SOX6: variants seen among roughly 807,000 people sequenced by gnomAD.
SOX6 encodes the protein transcription factor SOX-6.
Under a neutral mutation model 97.8 loss-of-function variants are expected in SOX6, and 11 were observed. The ratio of observed to expected loss-of-function variants is 0.11; its 90% CI spans 0.07 to 0.19. The LOEUF is 0.19. SOX6 is among the 10% of genes least tolerant of loss of function. The probability of loss-of-function intolerance (pLI) is 1.00; values close to 1 mark genes in which losing one functional copy is unlikely to be tolerated. For synonymous variants in SOX6, 360 were observed against 371.4 expected, an observed-to-expected ratio of 0.97 and a Z score of 0.35; for missense variants, 810 against 1,039.5, an observed-to-expected ratio of 0.78 and a Z score of 3.04.
intron 3 of SOX6, among the ~76,000 whole-genome samples, chr11:16,259,307 A>G (rs912526609): frequency 3.6e-4 from 54 of 152,076 alleles, no homozygotes; most frequent in African/African-American, 1.3e-3. Flanking sequence ...ATAGATGGAC[A>G]TATTCTGCTC....
At chr11:16,142,831 C>T (rs1442652209) in intron 6 of SOX6, among the ~76,000 whole-genome samples, 1 of 152,046 alleles carries the variant, frequency 6.6e-6, no homozygotes. Flanking sequence ...AACAAAGCCA[C>T]CAAGAAATAT....
chr11:15,980,583 C>T (rs561245662), intron 15 of SOX6, among the ~76,000 whole-genome samples: 1 of 152,164 alleles, frequency 6.6e-6, no homozygotes, highest in African/African-American at 2.4e-5. Flanking sequence ...CCCTACCCAT[C>T]TTATGTTTTC....
chr11:16,084,640 G>T (rs1333404466), intron 9 of SOX6, among the ~76,000 whole-genome samples: 1 of 152,120 alleles, frequency 6.6e-6, no homozygotes, highest in Non-Finnish European at 1.5e-5. Flanking sequence ...AATTCTTATG[G>T]AACCAAGAAG....
intron 1 of SOX6, among the ~76,000 whole-genome samples, chr11:16,345,451 T>C (rs1469997805): frequency 1.3e-5 from 2 of 151,964 alleles, no homozygotes; most frequent in Admixed American, 6.6e-5. Flanking sequence ...CTTTTGGAAA[T>C]GAGATTGCTG....
chr11:16,564,919 C>T (rs192998117), intron 4 of SOX6, among the ~76,000 whole-genome samples: 1 of 151,458 alleles, frequency 6.6e-6, no homozygotes, highest in South Asian at 2.1e-4. Flanking sequence ...AACAAGAGAG[C>T]AAAATTAACC....
intron 4 of SOX6, among the ~76,000 whole-genome samples, chr11:16,487,403 C>A (rs1441639082): frequency 6.6e-6 from 1 of 152,082 alleles, no homozygotes; most frequent in Non-Finnish European, 1.5e-5. Flanking sequence ...AGCATAATCC[C>A]AGACCTCCAG....
At chr11:16,005,756 T>C (rs917486232) in intron 13 of SOX6, among the ~76,000 whole-genome samples, 1 of 152,070 alleles carries the variant, frequency 6.6e-6, no homozygotes, top group Non-Finnish European at 1.5e-5. Context: ...TGATTGAACA[T>C]ATTTCTTATG....
At chr11:16,025,580 T>C (rs1390760458) in intron 12 of SOX6, among the ~76,000 whole-genome samples, 1 of 152,222 alleles carries the variant, frequency 6.6e-6, no homozygotes, top group Non-Finnish European at 1.5e-5. Context: ...GTTTAATTTA[T>C]AATGTGTACT....
At chr11:16,562,158 A>G (rs1301775071) in intron 4 of SOX6, among the ~76,000 whole-genome samples, 2 of 152,160 alleles carry the variant, frequency 1.3e-5, no homozygotes, top group Non-Finnish European at 2.9e-5. Flanking sequence ...AAGACTTCCA[A>G]TTCCGGGAAG....
chr11:16,114,548 T>A (rs1590205155), intron 6 of SOX6, among the ~76,000 whole-genome samples: 1 of 152,154 alleles, frequency 6.6e-6, no homozygotes, highest in Non-Finnish European at 1.5e-5. Context: ...ATTATCAAAT[T>A]ACTGATAAAA....
chr11:16,156,724 A>C (rs1238286848), intron 6 of SOX6, among the ~76,000 whole-genome samples: 1 of 151,786 alleles, frequency 6.6e-6, no homozygotes, highest in Non-Finnish European at 1.5e-5. Flanking sequence ...CTCCCACTTC[A>C]CATACTTTGT....
chr11:16,736,174 C>T (rs754263250), intron 2 of SOX6, among the ~76,000 whole-genome samples: 2 of 152,052 alleles, frequency 1.3e-5, no homozygotes, highest in East Asian at 1.9e-4. Flanking sequence ...GCAGGCATTG[C>T]GCCAGAAACA....
At chr11:16,119,332 C>G (rs990402750) in intron 6 of SOX6, among the ~76,000 whole-genome samples, 1 of 152,122 alleles carries the variant, frequency 6.6e-6, no homozygotes, top group Non-Finnish European at 1.5e-5. Flanking sequence ...TTAACAGAAA[C>G]CCTTTTAGTC....
intron 4 of SOX6, among the ~76,000 whole-genome samples, chr11:16,535,003 A>G (rs1861287085): frequency 6.6e-6 from 1 of 152,206 alleles, no homozygotes; most frequent in Non-Finnish European, 1.5e-5. Flanking sequence ...TCCTTAACCT[A>G]AGCCACAAGC....
At chr11:16,089,201 T>G (rs953416350) in intron 9 of SOX6, among the ~76,000 whole-genome samples, 16 of 152,164 alleles carry the variant, frequency 1.1e-4, no homozygotes, top group African/African-American at 3.6e-4. Context: ...TTGGTTCCAT[T>G]TCTTAGTCCA....
intron 3 of SOX6, among the ~76,000 whole-genome samples, chr11:16,625,874 C>T (rs1313584423): frequency 1.3e-5 from 2 of 152,138 alleles, no homozygotes; most frequent in African/African-American, 4.8e-5. Flanking sequence ...TATAATAAAC[C>T]AGTAATCTAG....
chr11:16,356,734 G>A (rs1042472689), upstream of SOX6, among the ~76,000 whole-genome samples: 46 of 152,138 alleles, frequency 3.0e-4, no homozygotes, highest in South Asian at 1.0e-3. Context: ...TAAACAAAGC[G>A]CCATTCAGGC....
chr11:16,475,913 A>C (rs576299049), intron 1 of SOX6, among the ~76,000 whole-genome samples: 3 of 152,316 alleles, frequency 2.0e-5, no homozygotes, highest in African/African-American at 7.2e-5. Context: ...CATCTTCTCT[A>C]TGGGCATAGG....
intron 4 of SOX6, among the ~76,000 whole-genome samples, chr11:16,608,008 G>A (rs1389620921): frequency 1.3e-5 from 2 of 152,036 alleles, no homozygotes; most frequent in Non-Finnish European, 2.9e-5. Context: ...CCTGGAAAGA[G>A]ACGGTGAAGC....
Sources: gnomAD v4.1 joint callset for allele counts (sites outside exome capture counted in the v4.1 genomes callset) on GRCh38, gnomAD v4.1.1 for gene constraint, MANE v1.5 for transcripts, NCBI Gene and HGNC (gene_info 2026-07-23, HGNC 2026-07-21) for gene names.